SLCO5A1: variants seen among roughly 807,000 people sequenced by gnomAD.
SLCO5A1 encodes organic anion transporter polypeptide-related protein 4.
In SLCO5A1, 39 loss-of-function variants were observed where a neutral mutation model predicts 65.1. The ratio of observed to expected loss-of-function variants is 0.60; its 90% confidence interval spans 0.46 to 0.78. SLCO5A1 has a LOEUF of 0.78. SLCO5A1 is among the 30% of genes least tolerant of loss of function. SLCO5A1 has a pLI of 0.00. For missense variants in SLCO5A1, 1,029 were observed against 1,069.4 expected (o/e 0.96, Z 0.53); for synonymous variants, 438 against 415.7 (o/e 1.05, Z -0.65).
intron 2 of SLCO5A1, among the ~76,000 whole-genome samples, chr8:69,779,455 G>T (rs1053379250): frequency 4.6e-5 from 7 of 152,110 alleles, no homozygotes; most frequent in African/African-American, 1.4e-4. Context: ...TATCTCAGAG[G>T]TTCAACTTAT....
intron 2 of SLCO5A1, among the ~76,000 whole-genome samples, chr8:69,825,553 C>T (rs1820844529): frequency 6.6e-6 from 1 of 152,188 alleles, no homozygotes; most frequent in South Asian, 2.1e-4. Flanking sequence ...AATAAAATAC[C>T]TAGGAATCCA....
intron 2 of SLCO5A1, among the ~76,000 whole-genome samples, chr8:69,816,155 T>G (rs566762136): frequency 1.3e-5 from 2 of 152,316 alleles, no homozygotes; most frequent in South Asian, 4.1e-4. Flanking sequence ...AGCATCACTA[T>G]TGGCAATGCT....
intron 5 of SLCO5A1, among the ~76,000 whole-genome samples, chr8:69,728,705 A>AAC (rs898423297): frequency 6.6e-6 from 1 of 152,052 alleles, no homozygotes; most frequent in Admixed American, 6.5e-5. Context: ...CATACATACA[A>AAC]ACACACACAC....
At chr8:69,682,039 T>A in intron 7 of SLCO5A1, 145 bp downstream of exon 7, 1 of 833,338 alleles carries the variant, frequency 1.2e-6, no homozygotes, top group Non-Finnish European at 1.8e-6. Context: ...TTCTTTCCTC[T>A]AGGTTTTCAT....
At chr8:69,679,355 C>G in intron 8 of SLCO5A1, 23 bp downstream of exon 8, 1 of 1,613,784 alleles carries the variant, frequency 6.2e-7, no homozygotes, top group Non-Finnish European at 8.5e-7. Context: ...GAACCCACCC[C>G]AGAAGTTGAA....
chr8:69,769,331 C>T (rs1818214235), intron 2 of SLCO5A1, among the ~76,000 whole-genome samples: 2 of 145,220 alleles, frequency 1.4e-5, no homozygotes, highest in African/African-American at 5.4e-5. Context: ...AGACTTCAGA[C>T]TTTGAGGGCA....
At chr8:69,823,579 T>G (rs1318227703) in intron 2 of SLCO5A1, among the ~76,000 whole-genome samples, 1 of 152,184 alleles carries the variant, frequency 6.6e-6, no homozygotes, top group Non-Finnish European at 1.5e-5. Flanking sequence ...GAGCTCACTA[T>G]CCTAAATATA....
intron 2 of SLCO5A1, among the ~76,000 whole-genome samples, chr8:69,807,251 TG>T (rs1171730616): frequency 2.6e-5 from 4 of 152,218 alleles, no homozygotes; most frequent in African/African-American, 9.6e-5. Flanking sequence ...TATACATGTA[TG>T]GGTACAATGT....
chr8:69,691,411 C>CA (rs780174035), intron 6 of SLCO5A1, among the ~76,000 whole-genome samples: 1 of 152,164 alleles, frequency 6.6e-6, no homozygotes, highest in African/African-American at 2.4e-5. Context: ...GTATTGTTGA[C>CA]TCTAGACATG....
At chr8:69,803,756 T>C (rs1563733917) in intron 2 of SLCO5A1, among the ~76,000 whole-genome samples, 3 of 152,228 alleles carry the variant, frequency 2.0e-5, no homozygotes, top group South Asian at 4.1e-4. Context: ...TGGGAGGCCA[T>C]GGTGGAAAAA....
In SLCO5A1 at chr8:69,673,055, G is replaced by C. The variant is rs752466948; in HGVS notation, c.2361C>G (p.Pro787=). The C allele has an allele frequency of 1.9e-6, 3 of 1,614,180 alleles. No individual in the cohort carries two copies. Among genetic ancestry groups the C allele is most frequent in the Non-Finnish European group, 2.5e-6 (3 of 1,180,030 alleles). The change falls in exon 10 of 10, where the codon CCC becomes CCG. Residue 787 remains proline, a synonymous_variant. Transcript: ENST00000260126. The part of the protein sequence containing the change: ...LSTVSERVGH[P]DNARTRSCPA... ...GGCAAGATCTAGTCCGGGCATTGTCGGGGTGTCCCACTCTCTCACTCACGG... is the reference window on the plus strand; with the variant it reads ...GGCAAGATCTAGTCCGGGCATTGTCCGGGTGTCCCACTCTCTCACTCACGG...
In SLCO5A1 at chr8:69,676,626, A is replaced by G; in HGVS notation, c.2072T>C (p.Val691Ala). 1.2e-6 allele frequency: 2 copies of G among 1,612,930 alleles called. No individual in the cohort carries two copies. Among genetic ancestry groups the G allele is most frequent in the Non-Finnish European group, 1.7e-6 (2 of 1,179,496 alleles). The part of the protein sequence containing the change: ...ERPFALGMQF[V>A]LLRTLAYIPT... ...GGACGTACCAAGTGTTCGCAACAAA[A>G]CAAACTGCATTCCCAGTGCAAAAGG... The change falls in exon 9 of 10, where the codon GTT becomes GCT. Residue 691 changes from valine (V) to alanine (A), a missense_variant. Transcript: ENST00000260126.
chr8:69,776,663 C>A (rs889825081), intron 2 of SLCO5A1, among the ~76,000 whole-genome samples: 12 of 152,090 alleles, frequency 7.9e-5, no homozygotes, highest in African/African-American at 2.9e-4. Flanking sequence ...GCACTCCAGC[C>A]TGGACGACAG....
At chr8:69,823,684 T>G (rs934153066) in intron 2 of SLCO5A1, among the ~76,000 whole-genome samples, 5 of 152,054 alleles carry the variant, frequency 3.3e-5, no homozygotes, top group Admixed American at 6.6e-5. Flanking sequence ...ATGGGAGACT[T>G]TAACACCCCA....
chr8:69,742,686 T>C (rs2933026), intron 4 of SLCO5A1, among the ~76,000 whole-genome samples: 97,553 of 151,900 alleles, frequency 0.64, 32,399 homozygotes, highest in African/African-American at 0.79. Flanking sequence ...TGTTAAATTG[T>C]ACTCCAATCA....
chr8:69,776,738 T>C lies in SLCO5A1; in HGVS notation c.908-14863A>G, dbSNP rs562762301. Among the ~76,000 whole-genome samples, 5 of 152,168 alleles carry C rather than the reference T, an allele frequency of 3.3e-5. No individual in the cohort carries two copies. The South Asian group carries it at 1.0e-3, about 32-fold the overall frequency. On this transcript the variant is annotated intron_variant, in intron 2 of 9. Transcript: ENST00000260126. The stretch of plus-strand genomic sequence containing the variant: ...AAAAAAATATCTAGCAGGAAACAAT[T>C]GTAGAAAATATTTCTGAACAGGCAC...
At chr8:69,808,709 G>T (rs1209148649) in intron 2 of SLCO5A1, among the ~76,000 whole-genome samples, 3 of 152,132 alleles carry the variant, frequency 2.0e-5, no homozygotes, top group African/African-American at 7.2e-5. Context: ...GGGTCAAATG[G>T]TATTTCTGTC....
At chr8:69,744,012 C>T (rs1816916405) in intron 4 of SLCO5A1, among the ~76,000 whole-genome samples, 1 of 152,062 alleles carries the variant, frequency 6.6e-6, no homozygotes, top group South Asian at 2.1e-4. Context: ...TGGGCACATC[C>T]CTATCTGCCA....
intron 2 of SLCO5A1, among the ~76,000 whole-genome samples, chr8:69,814,923 C>T (rs181860905): frequency 1.3e-5 from 2 of 152,260 alleles, no homozygotes; most frequent in East Asian, 1.9e-4. Flanking sequence ...ATCACATATT[C>T]TCACTTATGA....
Sources: allele counts gnomAD v4.1 joint callset (sites outside exome capture counted in the v4.1 genomes callset), GRCh38; gene constraint gnomAD v4.1.1; transcripts MANE v1.5; gene names NCBI Gene and HGNC (gene_info 2026-07-23, HGNC 2026-07-21).